Variants in SUPT3H observed in about 807,000 individuals in gnomAD.
SUPT3H encodes the protein transcription initiation protein SPT3 homolog.
A neutral mutation model predicts 44.3 loss-of-function variants in SUPT3H; 44 were observed. The observed-to-expected ratio is 0.99, with a 90% CI of 0.78 to 1.28. The LOEUF is 1.28. Ranked by LOEUF, SUPT3H falls within the 50% of genes most tolerant of loss-of-function variation. The pLI is 0.00. For missense variants in SUPT3H, 380 were observed against 387.1 expected, an observed-to-expected ratio of 0.98 and a Z score of 0.15; for synonymous variants, 124 against 125.6, an observed-to-expected ratio of 0.99 and a Z score of 0.09.
chr6:45,208,685 C>A (rs1006584093), intron 2 of SUPT3H, among the ~76,000 whole-genome samples: 1 of 149,272 alleles, frequency 6.7e-6, no homozygotes, highest in Non-Finnish European at 1.5e-5. Flanking sequence ...GATCATACCA[C>A]TGTACTCCAG....
intron 3 of SUPT3H, among the ~76,000 whole-genome samples, chr6:45,032,120 A>G (rs1480087658): frequency 6.6e-6 from 1 of 152,168 alleles, no homozygotes; most frequent in Non-Finnish European, 1.5e-5. Context: ...GATAATTTGT[A>G]TATACTTCTC....
At chr6:45,231,876 A>G (rs1297978694) in intron 2 of SUPT3H, among the ~76,000 whole-genome samples, 1 of 152,164 alleles carries the variant, frequency 6.6e-6, no homozygotes, top group African/African-American at 2.4e-5. Context: ...TCTATTGCTG[A>G]AGCTTTCGAG....
intron 9 of SUPT3H, among the ~76,000 whole-genome samples, chr6:44,948,053 G>C (rs1306367397): frequency 6.6e-6 from 1 of 152,158 alleles, no homozygotes; most frequent in Non-Finnish European, 1.5e-5. Context: ...TTATTAAATA[G>C]GGAATCCTTT....
At chr6:45,107,196 C>T (rs918962505) in intron 2 of SUPT3H, among the ~76,000 whole-genome samples, 1 of 151,986 alleles carries the variant, frequency 6.6e-6, no homozygotes, top group African/African-American at 2.4e-5. Context: ...ATGCTTTAAC[C>T]AGCAGTAGGG....
At chr6:45,142,818 G>C (rs2153591068) in intron 2 of SUPT3H, among the ~76,000 whole-genome samples, 1 of 135,114 alleles carries the variant, frequency 7.4e-6, no homozygotes, top group Middle Eastern at 4.4e-3. Context: ...CTGTCTTCAA[G>C]AGACTCACTA....
intron 3 of SUPT3H, among the ~76,000 whole-genome samples, chr6:45,074,491 C>A (rs187951553): frequency 2.0e-5 from 3 of 151,930 alleles, no homozygotes; most frequent in East Asian, 1.9e-4. Flanking sequence ...TTTAAGGAAA[C>A]AGAAATGAAA....
chr6:45,158,298 A>ATATATATAT, intron 2 of SUPT3H, among the ~76,000 whole-genome samples: 18 of 99,684 alleles, frequency 1.8e-4, no homozygotes, highest in African/African-American at 9.0e-4. Context: ...ATATATATAT[A>ATATATATAT]TTTTTTTTTT....
intron 4 of SUPT3H, among the ~76,000 whole-genome samples, chr6:45,017,205 T>G (rs1784426787): frequency 6.6e-6 from 1 of 150,836 alleles, no homozygotes; most frequent in African/African-American, 2.4e-5. Context: ...TGTTTTTTTC[T>G]TGTAAATTTG....
chr6:45,207,313 GC>G (rs1763354434), intron 2 of SUPT3H, among the ~76,000 whole-genome samples: 1 of 152,170 alleles, frequency 6.6e-6, no homozygotes, highest in Non-Finnish European at 1.5e-5. Context: ...ACTGGATTTA[GC>G]AATATAAAGG....
chr6:45,062,614 C>T (rs866318688), intron 3 of SUPT3H, among the ~76,000 whole-genome samples: 7 of 152,230 alleles, frequency 4.6e-5, no homozygotes, highest in African/African-American at 1.4e-4. Flanking sequence ...GCACCATGCG[C>T]AAGCCGAAGC....
At chr6:44,852,621 A>G (rs1001535423) in intron 10 of SUPT3H, among the ~76,000 whole-genome samples, 1 of 152,238 alleles carries the variant, frequency 6.6e-6, no homozygotes. Context: ...AAATGAAAAC[A>G]TCTTAAAAAT....
intron 9 of SUPT3H, among the ~76,000 whole-genome samples, chr6:44,935,523 T>C (rs1771260946): frequency 6.6e-6 from 1 of 152,134 alleles, no homozygotes; most frequent in South Asian, 2.1e-4. Context: ...GTTTATAGAG[T>C]ATTTGCAGAA....
At chr6:45,105,505 C>A (rs571198976) in intron 3 of SUPT3H, among the ~76,000 whole-genome samples, 1 of 152,260 alleles carries the variant, frequency 6.6e-6, no homozygotes, top group South Asian at 2.1e-4. Context: ...TATGTTTACA[C>A]TATACTATAG....
chr6:45,342,529 G>A (rs1210674604), intron 2 of SUPT3H, among the ~76,000 whole-genome samples: 2 of 152,062 alleles, frequency 1.3e-5, no homozygotes, highest in Admixed American at 1.3e-4. Context: ...AAAGTGCTGC[G>A]ATTACACGCA....
chr6:45,092,750 C>CAAAAAA (rs71674371), intron 3 of SUPT3H, among the ~76,000 whole-genome samples: 1 of 127,840 alleles, frequency 7.8e-6, no homozygotes, highest in Non-Finnish European at 1.6e-5. Context: ...GACTTCGTCT[C>CAAAAAA]AAAAAAAAAA....
chr6:45,292,966 T>C (rs980775070), intron 2 of SUPT3H, among the ~76,000 whole-genome samples: 5 of 151,822 alleles, frequency 3.3e-5, no homozygotes, highest in Admixed American at 3.3e-4. Flanking sequence ...GGATTTAAAC[T>C]ATACCTTGGA....
intron 2 of SUPT3H, among the ~76,000 whole-genome samples, chr6:45,308,029 G>T (rs1203370360): frequency 6.6e-6 from 1 of 152,160 alleles, no homozygotes; most frequent in Non-Finnish European, 1.5e-5. Flanking sequence ...TCAAATGAAT[G>T]AAATGAAGTG....
chr6:45,039,384 A>G (rs1405279088), intron 3 of SUPT3H, among the ~76,000 whole-genome samples: 1 of 152,210 alleles, frequency 6.6e-6, no homozygotes, highest in East Asian at 1.9e-4. Flanking sequence ...ACAAAATAGC[A>G]AAATGTCAAA....
chr6:44,972,455 C>A (rs1340586415), intron 6 of SUPT3H, among the ~76,000 whole-genome samples: 1 of 152,198 alleles, frequency 6.6e-6, no homozygotes, highest in Admixed American at 6.5e-5. Flanking sequence ...CTCCCAGATG[C>A]TTTCATGGGC....
Sources: allele counts gnomAD v4.1 joint callset (sites outside exome capture counted in the v4.1 genomes callset), GRCh38; gene constraint gnomAD v4.1.1; transcripts MANE v1.5; gene names NCBI Gene and HGNC (gene_info 2026-07-23, HGNC 2026-07-21).